The following DPM1 variants were observed in gnomAD, a reference collection of about 807,000 sequenced individuals.
The protein encoded by DPM1 is dolichol-phosphate mannosyltransferase subunit 1.
Under a neutral mutation model 39.0 loss-of-function variants are expected in DPM1, and 27 were observed. The observed-to-expected ratio is 0.69, with a 90% confidence interval of 0.51 to 0.95. DPM1 has a LOEUF of 0.95. Ranked by LOEUF, DPM1 falls within the 40% of genes least tolerant of loss-of-function variation. The probability of loss-of-function intolerance (pLI) is 0.00; values close to 1 mark genes in which losing one functional copy is unlikely to be tolerated. For synonymous variants in DPM1, 124 were observed against 109.0 expected (o/e 1.14, Z -0.86); for missense variants, 307 against 315.6 (o/e 0.97, Z 0.21).
rs965330901 is a variant in DPM1 at position 50,934,888 on chromosome 20, T to C, written c.*244A>G. On this transcript the variant is annotated 3_prime_UTR_variant, in exon 9 of 9. Transcript: ENST00000371588. ...GCAATACTTTATGCAAAAAAAAATA[T>C]ACATTTATTTATAGGTCTCAATACA... 6 of 309,506 alleles carry C rather than the reference T, an allele frequency of 1.9e-5. No homozygotes were observed. Among genetic ancestry groups the C allele is most frequent in the Non-Finnish European group, 3.6e-5 (6 of 166,342 alleles). 19.2% of individuals were successfully genotyped at this position (309,506 alleles called of 1,614,324 possible).
intron 6 of DPM1, 131 bp from the exon 7 acceptor site, chr20:50,941,064 A>G (rs761241894): frequency 2.9e-6 from 3 of 1,032,190 alleles, no homozygotes; most frequent in Non-Finnish European, 4.3e-6. Flanking sequence ...AATGTTATTT[A>G]TCTAGAACAA....
At position 50,940,086 on chromosome 20, in the gene DPM1, TTGTGTGTGTGTGTGTGTGTGTG is replaced by T. The variant is rs11469059; in HGVS notation, c.563+757_563+778del. ...TGACTGTCAACAGCCAGGTCCTAAT[TTGTGTGTGTGTGTGTGTGTGTG>T]TGTGTGTGTGTGTGTGTCAATTCTC... On this transcript the variant is annotated intron_variant, in intron 7 of 8. Transcript: ENST00000371588. Among the ~76,000 whole-genome samples the T allele has an allele frequency of 8.6e-3, 1,265 of 146,636 alleles. 19 individuals carry two copies. The highest frequency in any genetic ancestry group is 0.03 in the African/African-American group (1,189 of 39,670).
At chr20:50,937,634 C>G (rs888636551) in intron 7 of DPM1, among the ~76,000 whole-genome samples, 1 of 151,908 alleles carries the variant, frequency 6.6e-6, no homozygotes, top group Non-Finnish European at 1.5e-5. Flanking sequence ...GAGACAAGGT[C>G]TCACTCTGTT....
intron 3 of DPM1, among the ~76,000 whole-genome samples, chr20:50,947,559 CAG>C (rs1986360339): frequency 6.6e-6 from 1 of 152,202 alleles, no homozygotes; most frequent in African/African-American, 2.4e-5. Flanking sequence ...CAAATAAAGG[CAG>C]AGTTTCCTCT....
intron 2 of DPM1, among the ~76,000 whole-genome samples, chr20:50,949,292 T>C (rs566962271): frequency 1.3e-5 from 2 of 152,342 alleles, no homozygotes; most frequent in South Asian, 4.1e-4. Context: ...GATTCCTTCC[T>C]AGAAAAATGT....
chr20:50,941,259 T>TATATATATATAA (rs1568762595), intron 6 of DPM1: 1 of 166,910 alleles, frequency 6.0e-6, no homozygotes, highest in African/African-American at 3.1e-5. Context: ...TATATATATA[T>TATATATATATAA]ATATAAATAA....
intron 1 of DPM1, among the ~76,000 whole-genome samples, chr20:50,957,565 C>G (rs534043617): frequency 7.9e-5 from 12 of 152,212 alleles, no homozygotes; most frequent in Middle Eastern, 6.8e-3. Flanking sequence ...ACAGAAACAA[C>G]CAAAAGGCGC....
intron 7 of DPM1, among the ~76,000 whole-genome samples, chr20:50,939,085 A>G (rs1268041911): frequency 6.6e-6 from 1 of 152,180 alleles, no homozygotes; most frequent in Non-Finnish European, 1.5e-5. Flanking sequence ...TCAATACATG[A>G]AAATCCAGAA....
At position 50,949,094 on chromosome 20, in the gene DPM1, C is replaced by T. The variant is rs147770190; in HGVS notation, c.262-432G>A. Among the ~76,000 whole-genome samples the T allele has an allele frequency of 8.3e-3, 1,268 of 152,196 alleles. 19 individuals are homozygous for T. The highest frequency in any genetic ancestry group is 0.029 in the African/African-American group (1,195 of 41,530). ...CAGGATGGTCTCGATCTCCTGACCT[C>T]GTGATCCGCCCGCCTCGGCCTCCCA... On this transcript the variant is annotated intron_variant, in intron 2 of 8. Transcript: ENST00000371588.
At chr20:50,940,281 G>A (rs749112006) in intron 7 of DPM1, among the ~76,000 whole-genome samples, 13 of 151,836 alleles carry the variant, frequency 8.6e-5, no homozygotes, top group Admixed American at 5.3e-4. Context: ...GCATTTTATA[G>A]TTTCAGAGAT....
Position 50,949,106 on chromosome 20 carries a change from G to A in DPM1, c.262-444C>T, listed in dbSNP as rs112888515. 2.3e-4 allele frequency among the ~76,000 whole-genome samples: 35 copies of A among 152,200 alleles called. 1 individual carries two copies. The highest frequency in any genetic ancestry group is 7.5e-4 in the African/African-American group (31 of 41,514). On this transcript the variant is annotated intron_variant, in intron 2 of 8. Coordinates refer to ENST00000371588, the MANE Select transcript of DPM1 (RefSeq NM_003859.3). ...GATCTCCTGACCTCGTGATCCGCCCGCCTCGGCCTCCCAAAGCACTGGGAT... is the reference window on the plus strand; with the variant it reads ...GATCTCCTGACCTCGTGATCCGCCCACCTCGGCCTCCCAAAGCACTGGGAT...
chr20:50,945,096 A>G (rs963549545), intron 5 of DPM1: 1 of 152,944 alleles, frequency 6.5e-6, no homozygotes. Flanking sequence ...ATAATGAGCC[A>G]TTCTGGCATT....
At chr20:50,944,078 A>G (rs778777711) in intron 5 of DPM1, among the ~76,000 whole-genome samples, 1 of 152,186 alleles carries the variant, frequency 6.6e-6, no homozygotes, top group Non-Finnish European at 1.5e-5. Context: ...TATTTTCCCA[A>G]ATTTGAACAC....
At chr20:50,957,552 A>G (rs1034155305) in intron 1 of DPM1, among the ~76,000 whole-genome samples, 1 of 152,226 alleles carries the variant, frequency 6.6e-6, no homozygotes, top group African/African-American at 2.4e-5. Flanking sequence ...CAAAAGCCAA[A>G]AAACAGAAAC....
rs765125629 is a variant in DPM1 at position 50,958,469 on chromosome 20, C to A, written c.55G>T (p.Val19Leu). The change falls in exon 1 of 9, where the codon GTG (valine) becomes TTG (leucine). Residue 19 changes from valine to leucine, a missense_variant. This residue lies in a region of DPM1 where 206 missense variants were observed against 188.2 expected (regional missense o/e 1.09). Coordinates refer to ENST00000371588, the MANE Select transcript of DPM1 (RefSeq NM_003859.3). ...TATTTGTTCTGTCGTGGACTGCGCACTTCCAGCTCCCGCCGAGACCTGCGA... is the reference window on the plus strand; with the variant it reads ...TATTTGTTCTGTCGTGGACTGCGCAATTCCAGCTCCCGCCGAGACCTGCGA... ...SPRRSRRELE[V>L]RSPRQNKYSV... is the part of the protein sequence containing the mutation. 1.4e-5 allele frequency: 22 copies of A among 1,613,778 alleles called. No individual in the cohort carries two copies. The highest frequency in any genetic ancestry group is 1.9e-5 in the Non-Finnish European group (22 of 1,180,006).
chr20:50,940,215 T>C (rs1985606101), intron 7 of DPM1, among the ~76,000 whole-genome samples: 1 of 151,530 alleles, frequency 6.6e-6, no homozygotes, highest in South Asian at 2.1e-4. Context: ...TATCAACTAG[T>C]AGAAATTATT....
At chr20:50,951,795 A>AAAAT (rs554189762) in intron 2 of DPM1, among the ~76,000 whole-genome samples, 116 of 147,652 alleles carry the variant, frequency 7.9e-4, no homozygotes, top group African/African-American at 2.8e-3. Flanking sequence ...TCTCAAAAAA[A>AAAAT]AAATAAATAA....
intron 2 of DPM1, among the ~76,000 whole-genome samples, chr20:50,949,761 T>A (rs934141210): frequency 5.2e-5 from 7 of 135,522 alleles, no homozygotes; most frequent in African/African-American, 2.0e-4. Context: ...TTAAAGCAGA[T>A]GATTTTTTTT....
intron 7 of DPM1, among the ~76,000 whole-genome samples, chr20:50,940,106 GTGTGTGT>G (rs1205244303): frequency 1.3e-5 from 2 of 148,858 alleles, no homozygotes; most frequent in African/African-American, 2.6e-5. Context: ...GTGTGTGTGT[GTGTGTGT>G]GTGTGTGTGT....
Sources: gnomAD v4.1 joint callset for allele counts (sites outside exome capture counted in the v4.1 genomes callset) on GRCh38, gnomAD v4.1.1 for gene constraint, gnomAD v4.1.1 regional missense constraint, MANE v1.5 for transcripts, NCBI Gene and HGNC (gene_info 2026-07-23, HGNC 2026-07-21) for gene names.